The following KCNAB1 variants were observed in gnomAD, a reference collection of about 807,000 sequenced individuals.
The protein encoded by KCNAB1 is voltage-gated potassium channel subunit beta-1.
KCNAB1 carries 35 observed loss-of-function variants against 64.6 expected under a neutral mutation model. That is an observed-to-expected ratio of 0.54 (90% confidence interval 0.41 to 0.72). The LOEUF is 0.72. Among genes scored for constraint, KCNAB1 ranks in the 30% least tolerant of loss-of-function variants. The pLI is 0.00. For synonymous variants in KCNAB1, 177 were observed against 183.8 expected (o/e 0.96, Z 0.30); for missense variants, 401 against 512.9 (o/e 0.78, Z 2.11).
At chr3:156,290,901 G>A (rs1229735411) in intron 1 of KCNAB1, 1 of 917,636 alleles carries the variant, frequency 1.1e-6, no homozygotes, top group Non-Finnish European at 1.3e-6. Context: ...GAAATAACTT[G>A]CAGAGAGAAA....
intron 12 of KCNAB1, among the ~76,000 whole-genome samples, chr3:156,527,593 A>G (rs977660096): frequency 1.3e-5 from 2 of 152,248 alleles, no homozygotes; most frequent in Non-Finnish European, 2.9e-5. Context: ...ACTAGATATT[A>G]GATATACATG....
At chr3:156,158,182 AT>A (rs372087851) in intron 1 of KCNAB1, among the ~76,000 whole-genome samples, 10,237 of 50,278 alleles carry the variant, frequency 0.2, 902 homozygotes, top group East Asian at 0.45. Flanking sequence ...AAAATAAAAA[AT>A]AAATAAATAA....
intron 4 of KCNAB1, among the ~76,000 whole-genome samples, chr3:156,458,298 G>A (rs1262996161): frequency 2.0e-5 from 3 of 152,182 alleles, no homozygotes; most frequent in Non-Finnish European, 4.4e-5. Flanking sequence ...CCAAGTCCCA[G>A]CCTAACCAGC....
At chr3:156,213,215 C>CTTTTTTT (rs5853744) in intron 1 of KCNAB1, among the ~76,000 whole-genome samples, 2 of 142,874 alleles carry the variant, frequency 1.4e-5, no homozygotes, top group Non-Finnish European at 1.5e-5. Flanking sequence ...GTCTCTTTCA[C>CTTTTTTT]TTTTTTTTTT....
intron 1 of KCNAB1, among the ~76,000 whole-genome samples, chr3:156,355,635 T>C (rs1428135833): frequency 6.6e-6 from 1 of 152,198 alleles, no homozygotes; most frequent in African/African-American, 2.4e-5. Context: ...ATTTTGTAAA[T>C]GAGCAAATTT....
intron 8 of KCNAB1, among the ~76,000 whole-genome samples, chr3:156,478,920 A>G (rs1435399726): frequency 2.0e-5 from 3 of 152,128 alleles, no homozygotes; most frequent in Non-Finnish European, 4.4e-5. Context: ...AGGTGCAATC[A>G]GTGGAGAAAG....
chr3:156,458,900 A>AG (rs1712665487), intron 4 of KCNAB1, among the ~76,000 whole-genome samples: 1 of 152,244 alleles, frequency 6.6e-6, no homozygotes, highest in Non-Finnish European at 1.5e-5. Flanking sequence ...AAGGAGAGAT[A>AG]GGGAAAAACA....
chr3:156,528,133 G>A (rs1489500540), intron 12 of KCNAB1, among the ~76,000 whole-genome samples: 4 of 145,104 alleles, frequency 2.8e-5, no homozygotes, highest in African/African-American at 1.0e-4. Flanking sequence ...TACCTTTAAG[G>A]CCAAAAATAG....
At chr3:156,134,313 C>T (rs1235739912) in intron 1 of KCNAB1, among the ~76,000 whole-genome samples, 3 of 152,138 alleles carry the variant, frequency 2.0e-5, no homozygotes, top group African/African-American at 7.2e-5. Context: ...TCTGTATCCT[C>T]ACCTTGCTGT....
chr3:156,248,674 AAC>A (rs1170621722), intron 1 of KCNAB1, among the ~76,000 whole-genome samples: 1 of 152,154 alleles, frequency 6.6e-6, no homozygotes, highest in East Asian at 1.9e-4. Context: ...GAGGCAAAGT[AAC>A]ATATCCGAAG....
At chr3:156,137,263 A>C (rs1714406052) in intron 1 of KCNAB1, among the ~76,000 whole-genome samples, 1 of 151,960 alleles carries the variant, frequency 6.6e-6, no homozygotes, top group Non-Finnish European at 1.5e-5. Context: ...AGGAGTATAC[A>C]GTAGATAAGC....
intron 1 of KCNAB1, among the ~76,000 whole-genome samples, chr3:156,177,843 C>T (rs1486790187): frequency 6.6e-6 from 1 of 152,048 alleles, no homozygotes; most frequent in African/African-American, 2.4e-5. Flanking sequence ...CGGGTTCAAA[C>T]GATTCTCCTT....
chr3:156,221,996 CAAT>C (rs1715795631), intron 1 of KCNAB1, among the ~76,000 whole-genome samples: 1 of 152,002 alleles, frequency 6.6e-6, no homozygotes, highest in Non-Finnish European at 1.5e-5. Context: ...ACCTATATAA[CAAT>C]AACACAATTA....
intron 1 of KCNAB1, among the ~76,000 whole-genome samples, chr3:156,157,436 C>T (rs1379507945): frequency 1.3e-5 from 2 of 152,136 alleles, no homozygotes; most frequent in Non-Finnish European, 2.9e-5. Context: ...AAAAATAATA[C>T]TCATAAGTTA....
chr3:156,364,074 T>C (rs565775711), intron 1 of KCNAB1, among the ~76,000 whole-genome samples: 2 of 152,360 alleles, frequency 1.3e-5, no homozygotes, highest in Non-Finnish European at 2.9e-5. Context: ...TCACTACTAC[T>C]CAATTCTTGT....
chr3:156,439,171 G>T (rs986967277), intron 2 of KCNAB1, among the ~76,000 whole-genome samples: 8 of 149,888 alleles, frequency 5.3e-5, no homozygotes, highest in Non-Finnish European at 1.2e-4. Context: ...ATAGCACTGT[G>T]CTTGGAACGA....
At chr3:156,218,370 T>A (rs1230882330) in intron 1 of KCNAB1, among the ~76,000 whole-genome samples, 1 of 152,154 alleles carries the variant, frequency 6.6e-6, no homozygotes, top group Non-Finnish European at 1.5e-5. Flanking sequence ...AGCCCAGACA[T>A]GCCTATCCCA....
chr3:156,423,998 G>A (rs1440514100), intron 2 of KCNAB1, among the ~76,000 whole-genome samples: 1 of 152,164 alleles, frequency 6.6e-6, no homozygotes, highest in African/African-American at 2.4e-5. Context: ...GTTACAGAGG[G>A]GTTCAGTTAT....
intron 1 of KCNAB1, among the ~76,000 whole-genome samples, chr3:156,146,517 T>A (rs746744443): frequency 2.6e-5 from 4 of 152,176 alleles, no homozygotes. Flanking sequence ...TTTGAAGCAA[T>A]CTTATAATAC....
Sources: allele counts gnomAD v4.1 joint callset (sites outside exome capture counted in the v4.1 genomes callset), GRCh38; gene constraint gnomAD v4.1.1; transcripts MANE v1.5; gene names NCBI Gene and HGNC (gene_info 2026-07-23, HGNC 2026-07-21).